Variants in SPOCK1 observed in about 807,000 individuals in gnomAD.
SPOCK1 encodes testican-1.
Under a neutral mutation model 55.3 loss-of-function variants are expected in SPOCK1, and 23 were observed. The ratio of observed to expected loss-of-function variants is 0.42; its 90% confidence interval spans 0.30 to 0.59. SPOCK1 has a LOEUF of 0.59. Among genes scored for constraint, SPOCK1 ranks in the 20% least tolerant of loss-of-function variants. The pLI is 0.22. For synonymous variants in SPOCK1, 226 were observed against 221.0 expected (o/e 1.02, Z -0.20); for missense variants, 499 against 552.5 (o/e 0.90, Z 0.97).
At chr5:137,252,949 G>A (rs903459788) in intron 3 of SPOCK1, among the ~76,000 whole-genome samples, 2 of 152,106 alleles carry the variant, frequency 1.3e-5, no homozygotes, top group Admixed American at 1.3e-4. Context: ...ACCCCTCCAG[G>A]TCCTCGGTGG....
At chr5:137,483,375 G>A (rs1753989607) in intron 2 of SPOCK1, among the ~76,000 whole-genome samples, 1 of 152,140 alleles carries the variant, frequency 6.6e-6, no homozygotes, top group African/African-American at 2.4e-5. Flanking sequence ...TGTTCAGTTA[G>A]CCCTCCCTTC....
intron 2 of SPOCK1, among the ~76,000 whole-genome samples, chr5:137,442,978 C>G (rs73300783): frequency 0.024 from 3,715 of 152,222 alleles, 51 homozygotes; most frequent in African/African-American, 0.037. Context: ...TGCTCAAGTT[C>G]CTCCAATTTG....
At chr5:137,270,503 G>C (rs952082155) in intron 2 of SPOCK1, among the ~76,000 whole-genome samples, 1 of 152,138 alleles carries the variant, frequency 6.6e-6, no homozygotes. Flanking sequence ...GACAGAGAAC[G>C]GTCTTGCTGT....
At chr5:137,373,603 G>C (rs547882815) in intron 2 of SPOCK1, among the ~76,000 whole-genome samples, 8 of 152,226 alleles carry the variant, frequency 5.3e-5, no homozygotes, top group Non-Finnish European at 1.0e-4. Context: ...CTATGCAGGT[G>C]AGGGTCCTGA....
chr5:137,346,268 T>A (rs1295271781), intron 2 of SPOCK1, among the ~76,000 whole-genome samples: 1 of 152,202 alleles, frequency 6.6e-6, no homozygotes, highest in Non-Finnish European at 1.5e-5. Flanking sequence ...CCTGCCCTCA[T>A]GAGCTGGGCA....
At chr5:137,294,408 G>A (rs1457071976) in intron 2 of SPOCK1, among the ~76,000 whole-genome samples, 1 of 152,218 alleles carries the variant, frequency 6.6e-6, no homozygotes, top group Non-Finnish European at 1.5e-5. Flanking sequence ...GATCCAAGAA[G>A]CTAAGTGATC....
chr5:137,399,731 AT>A (rs1024979401), intron 2 of SPOCK1, among the ~76,000 whole-genome samples: 1 of 152,172 alleles, frequency 6.6e-6, no homozygotes, highest in Non-Finnish European at 1.5e-5. Context: ...CAAACTATAT[AT>A]TTTTTAAATT....
chr5:137,456,848 A>T (rs1753377889), intron 2 of SPOCK1, among the ~76,000 whole-genome samples: 1 of 152,208 alleles, frequency 6.6e-6, no homozygotes, highest in Non-Finnish European at 1.5e-5. Flanking sequence ...TACCAAACAG[A>T]CTACTTCAAT....
intron 3 of SPOCK1, among the ~76,000 whole-genome samples, chr5:137,230,601 G>A (rs916045098): frequency 6.6e-6 from 1 of 152,140 alleles, no homozygotes; most frequent in African/African-American, 2.4e-5. Flanking sequence ...CAACTTTGGG[G>A]ATAGGAATTT....
rs1022070144 is a variant in SPOCK1 at position 137,490,747 on chromosome 5, G to T, written c.186+7626C>A. On this transcript the variant is annotated intron_variant, in intron 2 of 10. Transcript: ENST00000394945. ...TCCCAGTTACGTCATGATGAGAGTT[G>T]CCAGTTTTGGGGGAGGAGGTCCAGC... 2.6e-5 allele frequency among the ~76,000 whole-genome samples: 4 copies of T among 152,192 alleles called. No individual in the cohort carries two copies. In the East Asian group the frequency reaches 5.8e-4, roughly 22 times the overall value.
At chr5:137,146,562 C>G (rs1019620407) in intron 3 of SPOCK1, among the ~76,000 whole-genome samples, 22 of 152,188 alleles carry the variant, frequency 1.4e-4, no homozygotes, top group Admixed American at 1.3e-3. Flanking sequence ...AGAAATTACA[C>G]CAAACTGTGA....
At chr5:137,292,499 G>T (rs1757391456) in intron 2 of SPOCK1, among the ~76,000 whole-genome samples, 1 of 148,710 alleles carries the variant, frequency 6.7e-6, no homozygotes, top group African/African-American at 2.5e-5. Flanking sequence ...AAAATGCTGG[G>T]GCAGCTACCA....
intron 5 of SPOCK1, among the ~76,000 whole-genome samples, chr5:137,069,175 C>A (rs904883437): frequency 9.9e-5 from 15 of 152,142 alleles, no homozygotes; most frequent in Admixed American, 7.9e-4. Flanking sequence ...GTCCCTATAC[C>A]GATTAGAAAC....
chr5:137,495,216 G>A (rs1005710380), intron 2 of SPOCK1, among the ~76,000 whole-genome samples: 3 of 152,138 alleles, frequency 2.0e-5, no homozygotes, highest in Non-Finnish European at 4.4e-5. Context: ...AAAAAGAAGG[G>A]GATAGGAAGT....
intron 6 of SPOCK1, among the ~76,000 whole-genome samples, chr5:137,052,232 T>C (rs867418739): frequency 5.8e-4 from 88 of 152,332 alleles, no homozygotes; most frequent in Non-Finnish European, 2.6e-4. Context: ...TCCTACCACT[T>C]GACTCATTTT....
At chr5:137,166,219 A>C (rs1032203358) in intron 3 of SPOCK1, among the ~76,000 whole-genome samples, 2 of 152,178 alleles carry the variant, frequency 1.3e-5, no homozygotes, top group Non-Finnish European at 2.9e-5. Flanking sequence ...GTCTGGCAGC[A>C]AACTTTTCAG....
Position 137,025,362 on chromosome 5 carries a change from A to G in SPOCK1, c.590-32762T>C, listed in dbSNP as rs1424278771. Among the ~76,000 whole-genome samples the G allele has an allele frequency of 3.9e-5, 6 of 152,154 alleles. No individual in the cohort carries two copies. In the East Asian group the frequency reaches 1.2e-3, roughly 30 times the overall value. On this transcript the variant is annotated intron_variant, in intron 6 of 10. Transcript: ENST00000394945. ...GTGAGATAAGTCCTGGAAATGGGAC[A>G]TTAACAGCAAGCCAGCAACAGTGGG...
intron 2 of SPOCK1, among the ~76,000 whole-genome samples, chr5:137,493,762 G>A (rs529556475): frequency 2.2e-4 from 34 of 152,252 alleles, no homozygotes; most frequent in South Asian, 2.1e-4. Context: ...CTGAGTTTCC[G>A]TGATGACAGA....
chr5:137,042,450 A>G (rs1752017866), intron 6 of SPOCK1, among the ~76,000 whole-genome samples: 1 of 152,218 alleles, frequency 6.6e-6, no homozygotes, highest in Admixed American at 6.5e-5. Flanking sequence ...ACCTTAATGT[A>G]TGCAAATTTT....
Sources: gnomAD v4.1 joint callset for allele counts (sites outside exome capture counted in the v4.1 genomes callset) on GRCh38, gnomAD v4.1.1 for gene constraint, MANE v1.5 for transcripts, NCBI Gene and HGNC (gene_info 2026-07-23, HGNC 2026-07-21) for gene names.